Variants in UNC13C observed in about 807,000 individuals in gnomAD.
UNC13C encodes the protein unc-13 homolog C, also known as protein unc-13 homolog C.
UNC13C carries 174 observed loss-of-function variants against 245.4 expected under a neutral mutation model. That is an observed-to-expected ratio of 0.71 (90% CI 0.63 to 0.80). UNC13C has a LOEUF of 0.80. UNC13C is among the 30% of genes least tolerant of loss of function. The probability of loss-of-function intolerance (pLI) is 0.00; values close to 1 mark genes in which losing one functional copy is unlikely to be tolerated. For synonymous variants in UNC13C, 992 were observed against 895.1 expected (o/e 1.11, Z -1.93); for missense variants, 2,829 against 2,602.9 (o/e 1.09, Z -1.89).
At chr15:53,924,294 G>A in the UNC13C span, among the ~76,000 whole-genome samples, 6,749 of 152,198 alleles carry the variant, frequency 0.044, 306 homozygotes, top group East Asian at 0.21. Flanking sequence ...ATTTGTTTCC[G>A]GTGTTGCCAT....
intron 13 of UNC13C, among the ~76,000 whole-genome samples, chr15:54,312,573 C>A (rs1472688349): frequency 1.3e-5 from 2 of 151,798 alleles, no homozygotes; most frequent in African/African-American, 2.4e-5. Context: ...GTTCTTCCAG[C>A]CCTTTCTTCT....
At chr15:54,552,237 T>TATATATAATTATATTATATATTACA (rs1236202006) in intron 28 of UNC13C, among the ~76,000 whole-genome samples, 7 of 136,514 alleles carry the variant, frequency 5.1e-5, no homozygotes, top group Non-Finnish European at 9.2e-5. Context: ...TAATATATAT[T>TATATATAATTATATTATATATTACA]ATATATAATT....
At chr15:54,159,225 A>G (rs1448640510) in intron 4 of UNC13C, among the ~76,000 whole-genome samples, 1 of 152,240 alleles carries the variant, frequency 6.6e-6, no homozygotes, top group Non-Finnish European at 1.5e-5. Context: ...CTGTCGAGTA[A>G]ACATGCTGAT....
chr15:54,499,691 C>T (rs546856753), intron 20 of UNC13C, among the ~76,000 whole-genome samples: 2 of 152,144 alleles, frequency 1.3e-5, no homozygotes, highest in Non-Finnish European at 2.9e-5. Context: ...TAAGCACCCA[C>T]GATCGGTTAC....
chr15:53,856,136 T>G, the UNC13C span, among the ~76,000 whole-genome samples: 10 of 152,138 alleles, frequency 6.6e-5, no homozygotes, highest in Non-Finnish European at 1.5e-4. Context: ...AGTGGTGATA[T>G]ACACTTTATC....
chr15:54,204,154 G>T (rs562179516), intron 4 of UNC13C, among the ~76,000 whole-genome samples: 1 of 151,476 alleles, frequency 6.6e-6, no homozygotes, highest in South Asian at 2.1e-4. Context: ...AAAGGTTGGG[G>T]GTGTCAAGGG....
chr15:54,484,374 G>T (rs546099), intron 19 of UNC13C, among the ~76,000 whole-genome samples: 17,226 of 152,152 alleles, frequency 0.11, 1,217 homozygotes, highest in Non-Finnish European at 0.16. Context: ...TCACTTATGC[G>T]TTTTCAGTGT....
At position 54,333,843 on chromosome 15, in the gene UNC13C, T is replaced by A; in HGVS notation, c.4571T>A (p.Phe1524Tyr). The change falls in exon 16 of 33, where the codon TTT (phenylalanine) becomes TAT (tyrosine). Residue 1524 changes from phenylalanine to tyrosine, a missense_variant. Phe to Tyr is a conservative substitution (Grantham distance 22, BLOSUM62 3). Transcript: ENST00000260323. ...GTTGACCTGTTAACAAGTATCACCT[T>A]TTTTAGGATGAAGGTATCTCATTTT... ...STVDLLTSIT[F>Y]FRMKVLELQS... 1 of 1,601,340 alleles carries A rather than the reference T, an allele frequency of 6.2e-7. No individual in the cohort carries two copies. The highest frequency in any genetic ancestry group is 1.1e-5 in the South Asian group (1 of 88,944).
At chr15:54,038,124 A>ATATAAAAATTTTTTTTTTTTTTT in intron 2 of UNC13C, among the ~76,000 whole-genome samples, 2 of 45,034 alleles carry the variant, frequency 4.4e-5, no homozygotes, top group African/African-American at 2.1e-4. Flanking sequence ...ATATATATAT[A>ATATAAAAATTTTTTTTTTTTTTT]TTTTTTTTTT....
chr15:54,620,839 TA>T (rs1410611505), intron 30 of UNC13C, among the ~76,000 whole-genome samples: 2 of 151,310 alleles, frequency 1.3e-5, no homozygotes, highest in Non-Finnish European at 2.9e-5. Flanking sequence ...ATGCCTTCAG[TA>T]GTACAAAGAG....
At position 53,992,034 on chromosome 15, in the gene UNC13C, C is replaced by T. The variant is rs952518425; in HGVS notation, c.-257+13107C>T. Among the ~76,000 whole-genome samples, 6 of 152,154 alleles carry T rather than the reference C, an allele frequency of 3.9e-5. No individual in the cohort carries two copies. In the East Asian group the frequency reaches 1.2e-3, roughly 29 times the overall value. On this transcript the variant is annotated intron_variant, in intron 1 of 32. Coordinates refer to ENST00000260323, the MANE Select transcript of UNC13C (RefSeq NM_001080534.3). ...CTTCTCTGAGACTTATTATCCCTTT[C>T]TCTACCGTTTTCCATACTATTTCTT...
intron 2 of UNC13C, among the ~76,000 whole-genome samples, chr15:54,045,559 C>T (rs982555817): frequency 7.2e-5 from 11 of 152,028 alleles, no homozygotes; most frequent in Non-Finnish European, 1.3e-4. Context: ...AGTGGGAGGT[C>T]GCAGTACTTT....
chr15:54,362,665 A>G (rs1373788213), intron 17 of UNC13C, among the ~76,000 whole-genome samples: 4 of 152,176 alleles, frequency 2.6e-5, no homozygotes, highest in Non-Finnish European at 4.4e-5. Flanking sequence ...GAGCTACTGA[A>G]TCAGAAACTC....
At chr15:54,234,768 A>G (rs1230757107) in intron 4 of UNC13C, among the ~76,000 whole-genome samples, 1 of 152,206 alleles carries the variant, frequency 6.6e-6, no homozygotes, top group African/African-American at 2.4e-5. Context: ...CTAACAGGAA[A>G]CAGTGTGTCC....
chr15:54,176,147 A>G (rs1416574881), intron 4 of UNC13C, among the ~76,000 whole-genome samples: 1 of 151,732 alleles, frequency 6.6e-6, no homozygotes, highest in East Asian at 1.9e-4. Context: ...CTGGAAGCAC[A>G]GTGGGTTCAA....
chr15:54,516,932 T>C (rs1026198527), intron 24 of UNC13C, among the ~76,000 whole-genome samples: 1 of 152,104 alleles, frequency 6.6e-6, no homozygotes, highest in African/African-American at 2.4e-5. Flanking sequence ...GGTGTTTGTA[T>C]GGAAATTGGA....
At chr15:53,883,555 T>TCAAATACATAAA in the UNC13C span, among the ~76,000 whole-genome samples, 7 of 152,322 alleles carry the variant, frequency 4.6e-5, no homozygotes, top group East Asian at 1.4e-3. Context: ...CATAGAGCTA[T>TCAAATACATAAA]TGGTAAAGCA....
At chr15:53,913,643 G>A in the UNC13C span, 2 of 152,216 alleles carry the variant, frequency 1.3e-5, no homozygotes, top group African/African-American at 4.8e-5. Context: ...TTAGCAAAGT[G>A]GGGAGCCTAC....
chr15:54,422,359 G>C (rs2040664017), intron 19 of UNC13C, among the ~76,000 whole-genome samples: 1 of 151,892 alleles, frequency 6.6e-6, no homozygotes, highest in Non-Finnish European at 1.5e-5. Context: ...TTCCACTCTT[G>C]CTTTCTTATG....
Sources: gnomAD v4.1 joint callset for allele counts (sites outside exome capture counted in the v4.1 genomes callset) on GRCh38, gnomAD v4.1.1 for gene constraint, MANE v1.5 for transcripts, NCBI Gene and HGNC (gene_info 2026-07-23, HGNC 2026-07-21) for gene names.